TRIM5: variants seen among roughly 807,000 people sequenced by gnomAD.
TRIM5 encodes tripartite motif-containing protein 5.
A neutral mutation model predicts 35.6 loss-of-function variants in TRIM5; 31 were observed. That is an observed-to-expected ratio of 0.87 (90% CI 0.65 to 1.18). TRIM5 has a LOEUF of 1.18. TRIM5 is among the 50% of genes most tolerant of loss of function. The pLI is 0.00. For missense variants in TRIM5, 609 were observed against 591.6 expected (o/e 1.03, Z -0.31); for synonymous variants, 243 against 215.6 (o/e 1.13, Z -1.11).
chr11:5,616,140 G>A, the TRIM5 span, among the ~76,000 whole-genome samples: 17,309 of 147,432 alleles, frequency 0.12, 1,261 homozygotes, highest in African/African-American at 0.17. Flanking sequence ...TTTAGTAGAG[G>A]CGGGGTTTCA....
chr11:5,661,787 A>G (rs1338837389), downstream of TRIM5, among the ~76,000 whole-genome samples: 4 of 152,164 alleles, frequency 2.6e-5, no homozygotes, highest in Admixed American at 1.3e-4. Flanking sequence ...CATAAGCTTC[A>G]TATTCTTTTC....
chr11:5,604,821 T>C, the TRIM5 span: 1 of 559,676 alleles, frequency 1.8e-6, no homozygotes, highest in Non-Finnish European at 3.0e-6. Context: ...ATATCAAAAC[T>C]GAACCTAGGA....
At chr11:5,671,305 A>T (rs1433123018) in intron 4 of TRIM5, among the ~76,000 whole-genome samples, 1 of 19,658 alleles carries the variant, frequency 5.1e-5, no homozygotes, top group African/African-American at 9.2e-5. Context: ...CAGGGGGATT[A>T]AAAAAAAAAC....
At chr11:5,601,756 TCAA>T in the TRIM5 span, among the ~76,000 whole-genome samples, 2 of 152,222 alleles carry the variant, frequency 1.3e-5, no homozygotes, top group Non-Finnish European at 2.9e-5. Context: ...AGACTCAGTT[TCAA>T]CAACAACAAA....
the TRIM5 span, chr11:5,633,981 T>C: frequency 6.8e-7 from 1 of 1,459,864 alleles, no homozygotes; most frequent in Non-Finnish European, 9.4e-7. Context: ...TTTTTATTCC[T>C]TGACATTGCA....
At chr11:5,648,263 T>C in the TRIM5 span, among the ~76,000 whole-genome samples, 1 of 152,006 alleles carries the variant, frequency 6.6e-6, no homozygotes, top group Non-Finnish European at 1.5e-5. Context: ...TCCCAGCACT[T>C]TGGGAGGCCA....
the TRIM5 span, among the ~76,000 whole-genome samples, chr11:5,655,256 G>A: frequency 6.6e-6 from 1 of 151,158 alleles, no homozygotes; most frequent in Non-Finnish European, 1.5e-5. Context: ...TGGTTGTAGA[G>A]CTGGGTGGGA....
chr11:5,642,330 A>T, the TRIM5 span: 1 of 1,319,530 alleles, frequency 7.6e-7, no homozygotes, highest in Non-Finnish European at 1.1e-6. Flanking sequence ...GATGTGAAGG[A>T]GATGAAACCA....
At chr11:5,652,532 T>A in the TRIM5 span, among the ~76,000 whole-genome samples, 1 of 152,234 alleles carries the variant, frequency 6.6e-6, no homozygotes, top group Non-Finnish European at 1.5e-5. Context: ...ATATGTCTGC[T>A]TTTAAACCAG....
the TRIM5 span, among the ~76,000 whole-genome samples, chr11:5,613,276 T>G: frequency 1.3e-5 from 2 of 152,248 alleles, no homozygotes; most frequent in African/African-American, 4.8e-5. Context: ...CAGAGAATGA[T>G]TCTGCAGACT....
chr11:5,622,247 C>G, the TRIM5 span, among the ~76,000 whole-genome samples: 8 of 152,076 alleles, frequency 5.3e-5, no homozygotes, highest in African/African-American at 1.7e-4. Context: ...AGTTTGAGAC[C>G]ATCCTGGCCA....
At chr11:5,593,125 T>C in the TRIM5 span, among the ~76,000 whole-genome samples, 1 of 152,152 alleles carries the variant, frequency 6.6e-6, no homozygotes, top group Admixed American at 6.5e-5. Context: ...GAGGTGTTTC[T>C]CCCTGAAATT....
At chr11:5,603,781 G>T in the TRIM5 span, 2 of 1,597,656 alleles carry the variant, frequency 1.3e-6, no homozygotes, top group Non-Finnish European at 1.7e-6. Context: ...AGGGTCTTTG[G>T]CAGGTTTTAA....
chr11:5,677,150 A>G (rs1852047655), intron 4 of TRIM5, among the ~76,000 whole-genome samples: 1 of 152,132 alleles, frequency 6.6e-6, no homozygotes, highest in Admixed American at 6.5e-5. Flanking sequence ...AGAAACTACC[A>G]TCAAAGTGAA....
At chr11:5,645,897 CTATATATAGATATATATAGATA>C in the TRIM5 span, 1 of 145,140 alleles carries the variant, frequency 6.9e-6, no homozygotes, top group Non-Finnish European at 1.3e-5. Flanking sequence ...ATATATATAT[CTATATATAGATATATATAGATA>C]TATATATAGA....
chr11:5,594,974 G>A, the TRIM5 span, among the ~76,000 whole-genome samples: 1 of 152,124 alleles, frequency 6.6e-6, no homozygotes, highest in Non-Finnish European at 1.5e-5. Flanking sequence ...CACAAAGGGT[G>A]ATCTGAAATA....
At chr11:5,665,729 G>C in intron 6 of TRIM5, 47 bp from the exon 7 acceptor site, 3 of 1,471,202 alleles carry the variant, frequency 2.0e-6, no homozygotes, top group Non-Finnish European at 2.7e-6. Context: ...AAAGGAGTCA[G>C]CACTGAAATT....
At chr11:5,657,647 T>C in the TRIM5 span, among the ~76,000 whole-genome samples, 1 of 122,658 alleles carries the variant, frequency 8.2e-6, no homozygotes, top group African/African-American at 3.2e-5. Context: ...ATTATTTATA[T>C]ATTATATATA....
At chr11:5,681,723 G>A (rs1477882205) in intron 1 of TRIM5, among the ~76,000 whole-genome samples, 8 of 114,454 alleles carry the variant, frequency 7.0e-5, no homozygotes, top group African/African-American at 3.4e-4. Context: ...CCCAGGAAAG[G>A]CCTGGGCAAA....
Sources: gnomAD v4.1 joint callset for allele counts (sites outside exome capture counted in the v4.1 genomes callset) on GRCh38, gnomAD v4.1.1 for gene constraint, MANE v1.5 for transcripts, NCBI Gene and HGNC (gene_info 2026-07-23, HGNC 2026-07-21) for gene names.